Variants in ARMC2 observed in about 807,000 individuals in gnomAD.
ARMC2 encodes armadillo repeat-containing protein 2.
A neutral mutation model predicts 90.3 loss-of-function variants in ARMC2; 67 were observed. The ratio of observed to expected loss-of-function variants is 0.74; its 90% CI spans 0.61 to 0.91. ARMC2 has a LOEUF of 0.91. ARMC2 is among the 40% of genes least tolerant of loss of function. The pLI is 0.00. For synonymous variants in ARMC2, 393 were observed against 393.0 expected, an observed-to-expected ratio of 1.00 and a Z score of 0.00; for missense variants, 920 against 1,030.9, an observed-to-expected ratio of 0.89 and a Z score of 1.47.
chr6:108,998,410 A>G, the ARMC2 span: 1 of 1,380,476 alleles, frequency 7.2e-7, no homozygotes, highest in Non-Finnish European at 9.9e-7. Flanking sequence ...ATATCTCCAC[A>G]GTCTTAACAG....
At chr6:108,899,853 GTTATTTAT>G in intron 7 of ARMC2, 61 bp downstream of exon 7, 1 of 1,260,156 alleles carries the variant, frequency 7.9e-7, no homozygotes, top group Non-Finnish European at 1.1e-6. Context: ...AATACCTGTA[GTTATTTAT>G]GTGTTCCCCA....
At chr6:108,967,909 C>T (rs1290321531) in intron 17 of ARMC2, among the ~76,000 whole-genome samples, 3 of 152,168 alleles carry the variant, frequency 2.0e-5, no homozygotes, top group African/African-American at 7.2e-5. Flanking sequence ...TCCCAATCTG[C>T]CTAGCCAGGT....
chr6:108,858,265 A>G lies in ARMC2; in HGVS notation c.285A>G (p.Leu95=). The change falls in exon 3 of 18, where the codon CTA becomes CTG. Residue 95 remains leucine, a synonymous_variant. Coordinates refer to ENST00000392644, the MANE Select transcript of ARMC2 (RefSeq NM_032131.6). ...RPISGTRLSP[L]ELKPKVPASP... ...TCTCTGGCACACGTCTTAGTCCACT[A>G]GAGCTGGTGAGTACTTTGTATAACC... 6.2e-7 allele frequency: 1 copy of G among 1,605,540 alleles called. No individual in the cohort carries two copies. Among genetic ancestry groups the G allele is most frequent in the Non-Finnish European group, 8.5e-7 (1 of 1,173,630 alleles).
At chr6:108,997,809 C>G in the ARMC2 span, among the ~76,000 whole-genome samples, 5 of 152,092 alleles carry the variant, frequency 3.3e-5, no homozygotes, top group African/African-American at 9.7e-5. Context: ...AAAATAAACC[C>G]TTGCTTTTTC....
chr6:108,853,314 C>T (rs967690676), intron 1 of ARMC2, among the ~76,000 whole-genome samples: 5 of 152,138 alleles, frequency 3.3e-5, no homozygotes, highest in Admixed American at 3.3e-4. Context: ...TCTAAGGAAT[C>T]ACCTGTTGAT....
At chr6:108,992,840 C>G in the ARMC2 span, 1 of 1,613,684 alleles carries the variant, frequency 6.2e-7, no homozygotes, top group Non-Finnish European at 8.5e-7. Context: ...TCTTTATAGC[C>G]ATAACTAGTA....
At chr6:108,892,808 A>C (rs1261328035) in intron 5 of ARMC2, among the ~76,000 whole-genome samples, 2 of 152,018 alleles carry the variant, frequency 1.3e-5, no homozygotes, top group Admixed American at 6.6e-5. Flanking sequence ...GAAGTAAAAA[A>C]TGGTATTTGG....
chr6:109,008,831 GAC>G, the ARMC2 span: 3 of 985,552 alleles, frequency 3.0e-6, no homozygotes, highest in Non-Finnish European at 3.6e-6. Flanking sequence ...GAGCTTGCAG[GAC>G]ACACTTATTC....
chr6:108,941,086 A>C (rs910270294), intron 12 of ARMC2, among the ~76,000 whole-genome samples: 13 of 144,902 alleles, frequency 9.0e-5, no homozygotes, highest in South Asian at 8.9e-4. Context: ...AGCTAGCTAG[A>C]CAGACAGACA....
At chr6:109,052,572 T>TA in the ARMC2 span, among the ~76,000 whole-genome samples, 1 of 152,216 alleles carries the variant, frequency 6.6e-6, no homozygotes, top group Non-Finnish European at 1.5e-5. Context: ...TTCCCAATGT[T>TA]ATTGAAAATG....
At chr6:108,868,202 T>G (rs1776024538) in intron 3 of ARMC2, among the ~76,000 whole-genome samples, 2 of 148,674 alleles carry the variant, frequency 1.3e-5, no homozygotes, top group Admixed American at 1.3e-4. Context: ...ATATGTAATT[T>G]TGTAGTCTTT....
At chr6:108,994,379 G>T in the ARMC2 span, 9 of 1,145,972 alleles carry the variant, frequency 7.9e-6, no homozygotes, top group South Asian at 1.5e-5. Flanking sequence ...TATTTAGATT[G>T]ATGCTTTAAA....
At chr6:109,033,672 C>T in the ARMC2 span, among the ~76,000 whole-genome samples, 3 of 152,028 alleles carry the variant, frequency 2.0e-5, no homozygotes, top group Non-Finnish European at 4.4e-5. Flanking sequence ...ATGGGAGGGG[C>T]CATAATTCAT....
intron 1 of ARMC2, among the ~76,000 whole-genome samples, 168 bp from the exon 2 acceptor site, chr6:108,854,057 C>T (rs1047862909): frequency 4.6e-5 from 7 of 151,950 alleles, no homozygotes; most frequent in African/African-American, 1.7e-4. Flanking sequence ...GGAAATTTTC[C>T]TCTCTACATT....
intron 5 of ARMC2, among the ~76,000 whole-genome samples, chr6:108,888,220 G>C (rs1770564475): frequency 6.6e-6 from 1 of 152,206 alleles, no homozygotes. Flanking sequence ...GGAGGAGTTT[G>C]CTGATGACAT....
chr6:108,942,010 A>G (rs889810335), intron 12 of ARMC2, among the ~76,000 whole-genome samples: 4 of 152,136 alleles, frequency 2.6e-5, no homozygotes, highest in South Asian at 2.1e-4. Context: ...TGTCCCAACC[A>G]CTTCCTAAAA....
chr6:109,015,043 G>A, the ARMC2 span, among the ~76,000 whole-genome samples: 9 of 152,060 alleles, frequency 5.9e-5, no homozygotes, highest in Non-Finnish European at 1.3e-4. Context: ...ATTATGTATC[G>A]AATGAACTCT....
At chr6:109,002,149 T>C in the ARMC2 span, 2 of 700,556 alleles carry the variant, frequency 2.9e-6, no homozygotes, top group Non-Finnish European at 2.5e-6. Context: ...TGCCAAAGAA[T>C]GATTAACTGC....
intron 11 of ARMC2, among the ~76,000 whole-genome samples, chr6:108,928,823 T>C (rs868504585): frequency 6.6e-6 from 1 of 152,204 alleles, no homozygotes; most frequent in Non-Finnish European, 1.5e-5. Context: ...GCGCTGCTCT[T>C]TGTCAGTATT....
Sources: gnomAD v4.1 joint callset for allele counts (sites outside exome capture counted in the v4.1 genomes callset) on GRCh38, gnomAD v4.1.1 for gene constraint, MANE v1.5 for transcripts, NCBI Gene and HGNC (gene_info 2026-07-23, HGNC 2026-07-21) for gene names.